Variants in RNPS1 observed in about 807,000 individuals in gnomAD.
RNPS1 encodes RNA binding protein with serine rich domain 1.
For synonymous variants in RNPS1, 147 were observed against 150.0 expected, an observed-to-expected ratio of 0.98 and a Z score of 0.15; for missense variants, 300 against 427.6, an observed-to-expected ratio of 0.70 and a Z score of 2.63.
chr16:2,263,644 G>T (rs1411873953), intron 3 of RNPS1, among the ~76,000 whole-genome samples: 1 of 152,108 alleles, frequency 6.6e-6, no homozygotes, highest in African/African-American at 2.4e-5. Context: ...TTTGAGACAG[G>T]GTCTGCCACC....
chr16:2,265,473 C>T (rs1295414201), intron 1 of RNPS1: 1 of 148,158 alleles, frequency 6.7e-6, no homozygotes, highest in African/African-American at 2.5e-5. Context: ...AACTTATAGA[C>T]TATTAACCTC....
rs529129860 is a variant in RNPS1, at chr16:2,262,170, C to G, written c.676+108G>C. ...CAGCCTGGGCAACAAGTGTGAAACT[C>G]TGTCTCAAACAAACAAAAAGAAGTG... is the stretch of plus-strand genomic sequence containing the variant. On this transcript the variant is annotated intron_variant, in intron 6 of 7. Transcript: ENST00000320225. The G allele has an allele frequency of 3.4e-6, 4 of 1,180,046 alleles. No individual in the cohort carries two copies. The South Asian group carries it at 4.4e-5, about 13-fold the overall frequency. The allele number at this position is 1,180,046 out of a possible 1,614,324, so 73.1% of individuals were successfully genotyped here.
At chr16:2,255,874 T>TC (rs890115169) in intron 6 of RNPS1, 148 bp from the exon 7 acceptor site, 2 of 826,204 alleles carry the variant, frequency 2.4e-6, no homozygotes, top group African/African-American at 3.4e-5. Context: ...ACTCCTGTAA[T>TC]CCCAGCACTT....
chr16:2,262,866 G>T, intron 4 of RNPS1, 24 bp from the exon 5 acceptor site: 1 of 1,596,114 alleles, frequency 6.3e-7, no homozygotes, highest in African/African-American at 1.3e-5. Flanking sequence ...CAAAACACCA[G>T]AAACAATTTC....
Position 2,256,286 on chromosome 16 carries a change from C to T in RNPS1, c.677-560G>A, listed in dbSNP as rs914327823. 103 of 156,018 alleles carry T rather than the reference C, an allele frequency of 6.6e-4. 1 individual carries two copies. The highest frequency in any genetic ancestry group is 2.3e-3 in the African/African-American group (97 of 41,554). 9.7% of individuals were successfully genotyped at this position (156,018 alleles called of 1,614,324 possible). A position where few individuals can be genotyped will look rare whatever the true frequency, so the allele number is the denominator to read the frequency against. On this transcript the variant is annotated intron_variant, in intron 6 of 7. Coordinates refer to ENST00000320225, the MANE Select transcript of RNPS1 (RefSeq NM_080594.4). Reference sequence around the variant, plus strand: ...GCTAAAGAATGTGCTGGAGGCCAGACGCGGAGGCTCACGCCTGTAATCCCA... The same window carrying T: ...GCTAAAGAATGTGCTGGAGGCCAGATGCGGAGGCTCACGCCTGTAATCCCA...
chr16:2,267,956 C>T, intron 1 of RNPS1, 99 bp downstream of exon 1: 3 of 1,532,222 alleles, frequency 2.0e-6, no homozygotes, highest in Middle Eastern at 2.3e-4. Flanking sequence ...CACCGCCGCA[C>T]TGCGGGGCTG....
rs200762466 is a variant in RNPS1 at position 2,255,619 on chromosome 16, T to C, written c.784A>G (p.Met262Val). 2.7e-5 allele frequency: 43 copies of C among 1,606,482 alleles called. No homozygotes were observed. Among genetic ancestry groups the C allele is most frequent in the East Asian group, 6.7e-5 (3 of 44,824 alleles). ...PPRRMLPPPP[M>V]WRRSPPRMRR... ...ATCCGTGGGGGAGACCTGCGCCACA[T>C]AGGCGGTGGTGGCAACATTCTCCTG... Residue 262 changes from methionine (M) to valine (V), a missense_variant, in exon 7 of 8, where the codon ATG (methionine) becomes GTG (valine). Met to Val is a conservative substitution (Grantham distance 21). Coordinates refer to ENST00000320225, the MANE Select transcript of RNPS1 (RefSeq NM_080594.4).
In RNPS1 at chr16:2,254,004, C is replaced by T. The variant is rs781643382; in HGVS notation, c.878G>A (p.Arg293His). 60 of 1,534,198 alleles carry T rather than the reference C, an allele frequency of 3.9e-5. No individual in the cohort carries two copies. Among genetic ancestry groups the T allele is most frequent in the Non-Finnish European group, 5.0e-5 (57 of 1,138,656 alleles). The change falls in exon 8 of 8, where the codon CGC becomes CAC. Residue 293 changes from arginine (R) to histidine (H), a missense_variant. Transcript: ENST00000320225. ...VRRRSRSPGR[R>H]RHRSRSSSNS... The stretch of plus-strand genomic sequence containing the variant: ...GGAGCTGGAGCGGCTCCTGTGGCGG[C>T]GGCGGCCCGGGGACCGTGATCTCCG...
chr16:2,256,350 G>C (rs2093578234), intron 6 of RNPS1: 1 of 153,556 alleles, frequency 6.5e-6, no homozygotes, highest in Non-Finnish European at 1.4e-5. Context: ...ACAATGTCAG[G>C]AGTTCGAGAC....
chr16:2,264,805 G>C, intron 1 of RNPS1, 45 bp from the exon 2 acceptor site: 1 of 1,424,918 alleles, frequency 7.0e-7, no homozygotes, highest in Non-Finnish European at 9.2e-7. Flanking sequence ...GAATTGGCAA[G>C]GCAACAAGTC....
intron 1 of RNPS1, chr16:2,266,536 T>C (rs2093625843): frequency 1.0e-6 from 1 of 971,114 alleles, no homozygotes. Context: ...GTTCCAACCT[T>C]ATAGTTACCC....
At chr16:2,266,002 A>C (rs1004012750) in intron 1 of RNPS1, 1 of 571,326 alleles carries the variant, frequency 1.8e-6, no homozygotes, top group African/African-American at 2.0e-5. Flanking sequence ...TATGGGCCCT[A>C]TTTTCCAGGG....
At chr16:2,267,674 C>T in intron 1 of RNPS1, 2 of 1,153,752 alleles carry the variant, frequency 1.7e-6, no homozygotes, top group Non-Finnish European at 2.1e-6. Flanking sequence ...ACTCCCCCGT[C>T]CAGGCGCCGG....
intron 7 of RNPS1, among the ~76,000 whole-genome samples, chr16:2,254,810 T>C (rs1382852684): frequency 6.7e-6 from 1 of 149,208 alleles, no homozygotes; most frequent in Non-Finnish European, 1.5e-5. Context: ...GGCATGATCT[T>C]GGCTCACTGC....
In RNPS1 at chr16:2,255,629, T is replaced by C; in HGVS notation, c.774A>G (p.Pro258=). 6.2e-7 allele frequency: 1 copy of C among 1,608,926 alleles called. No homozygotes were observed. The highest frequency in any genetic ancestry group is 8.5e-7 in the Non-Finnish European group (1 of 1,177,680). The change falls in exon 7 of 8, where the codon CCA becomes CCG. Residue 258 remains proline, a synonymous_variant. Transcript: ENST00000320225. The part of the protein sequence containing the change: ...RRFSPPRRML[P]PPPMWRRSPP... Reference sequence around the variant, plus strand: ...GAGACCTGCGCCACATAGGCGGTGGTGGCAACATTCTCCTGGGAGGGCTGA... The same window carrying C: ...GAGACCTGCGCCACATAGGCGGTGGCGGCAACATTCTCCTGGGAGGGCTGA...
At chr16:2,260,588 AAACCTCAAGTTATCTTGG>A (rs1221115236) in intron 6 of RNPS1, among the ~76,000 whole-genome samples, 3 of 152,204 alleles carry the variant, frequency 2.0e-5, no homozygotes, top group Non-Finnish European at 4.4e-5. Flanking sequence ...TAATGGACAA[AAACCTCAAGTTATCTTGG>A]AACCTCAAGA....
chr16:2,264,069 AG>A (rs1291683095), intron 3 of RNPS1, 106 bp downstream of exon 3: 25 of 1,343,770 alleles, frequency 1.9e-5, no homozygotes, highest in Non-Finnish European at 2.6e-5. Flanking sequence ...TAACAATCAG[AG>A]GATGTGTTTT....
intron 6 of RNPS1, among the ~76,000 whole-genome samples, chr16:2,258,991 A>C (rs1450769360): frequency 6.6e-6 from 1 of 151,270 alleles, no homozygotes; most frequent in African/African-American, 2.4e-5. Context: ...GATATAGTGG[A>C]GGTTGCCTGT....
At chr16:2,256,504 G>C (rs2093579007) in intron 6 of RNPS1, 1 of 152,376 alleles carries the variant, frequency 6.6e-6, no homozygotes, top group Admixed American at 6.5e-5. Context: ...GTTGCAGTGA[G>C]CTGACATCAT....
Sources: gnomAD v4.1 joint callset for allele counts (sites outside exome capture counted in the v4.1 genomes callset) on GRCh38, gnomAD v4.1.1 for gene constraint, MANE v1.5 for transcripts, NCBI Gene and HGNC (gene_info 2026-07-23, HGNC 2026-07-21) for gene names.